Variants in PHF20 observed in about 807,000 individuals in gnomAD.
The protein encoded by PHF20 is glioma-expressed antigen 2.
PHF20 carries 23 observed loss-of-function variants against 113.5 expected under a neutral mutation model. The ratio of observed to expected loss-of-function variants is 0.20; its 90% CI spans 0.15 to 0.29. The LOEUF (loss-of-function observed/expected upper bound fraction) is 0.29. PHF20 is among the 10% of genes least tolerant of loss of function. The probability of loss-of-function intolerance (pLI) is 1.00; values close to 1 mark genes in which losing one functional copy is unlikely to be tolerated. For synonymous variants in PHF20, 434 were observed against 457.3 expected (o/e 0.95, Z 0.65); for missense variants, 943 against 1,219.6 (o/e 0.77, Z 3.38).
intron 10 of PHF20, among the ~76,000 whole-genome samples, chr20:35,911,256 A>G (rs866682084): frequency 1.1e-4 from 17 of 151,538 alleles, no homozygotes; most frequent in South Asian, 2.1e-4. Context: ...GTTAGCCAGG[A>G]TGGTCTCAAT....
rs577328678 is a variant in PHF20, at chr20:35,824,521, C to T, written c.84-18052C>T. Among the ~76,000 whole-genome samples, 10 of 151,804 alleles carry T rather than the reference C, an allele frequency of 6.6e-5. No homozygotes were observed. The South Asian group carries it at 2.1e-3, about 32-fold the overall frequency. Reference sequence around the variant, plus strand: ...ACTCGGGAGGCTGAGGCAGTAGAATCGCTTGAACCCGGGAGGCAGAGGTTT... The same window carrying T: ...ACTCGGGAGGCTGAGGCAGTAGAATTGCTTGAACCCGGGAGGCAGAGGTTT... On this transcript the variant is annotated intron_variant, in intron 2 of 17. Coordinates refer to ENST00000374012, the MANE Select transcript of PHF20 (RefSeq NM_016436.5).
chr20:35,831,577 A>G (rs2042359412), intron 2 of PHF20, among the ~76,000 whole-genome samples: 1 of 152,034 alleles, frequency 6.6e-6, no homozygotes, highest in South Asian at 2.1e-4. Context: ...TGATCCCCCA[A>G]CTCCAACCTC....
chr20:35,892,125 T>C (rs1213782843), intron 9 of PHF20, among the ~76,000 whole-genome samples: 2 of 151,878 alleles, frequency 1.3e-5, no homozygotes, highest in African/African-American at 4.8e-5. Flanking sequence ...TGGCGTGATA[T>C]TGGTTCACTG....
intron 10 of PHF20, among the ~76,000 whole-genome samples, chr20:35,907,605 C>T (rs185524495): frequency 2.6e-5 from 4 of 152,288 alleles, no homozygotes; most frequent in African/African-American, 4.8e-5. Context: ...GTTCCAAGTT[C>T]GTTACTTGTA....
intron 5 of PHF20, among the ~76,000 whole-genome samples, chr20:35,860,160 G>C (rs1179460366): frequency 6.6e-6 from 1 of 151,536 alleles, no homozygotes; most frequent in Admixed American, 6.6e-5. Flanking sequence ...CAAGTGATCC[G>C]CCCACCTTGG....
Position 35,822,071 on chromosome 20 carries a change from G to A in PHF20, c.83+20466G>A, listed in dbSNP as rs537822542. Among the ~76,000 whole-genome samples the A allele has an allele frequency of 2.0e-5, 3 of 152,306 alleles. No homozygotes were observed. In the South Asian group the frequency reaches 6.2e-4, roughly 32 times the overall value. On this transcript the variant is annotated intron_variant, in intron 2 of 17. Transcript: ENST00000374012. ...GTTGAATGGATAGTTGAATAACAGA[G>A]TCAGATGTTCAAGTGTGAGCCCTGG...
At chr20:35,946,480 CAG>C (rs1049226860) in intron 17 of PHF20, among the ~76,000 whole-genome samples, 10 of 151,732 alleles carry the variant, frequency 6.6e-5, no homozygotes, top group African/African-American at 2.4e-5. Flanking sequence ...AAAATAATAA[CAG>C]AGTATTCTGT....
At position 35,796,165 on chromosome 20, in the gene PHF20, T is replaced by A. The variant is rs373525812; in HGVS notation, c.-32-5326T>A. Among the ~76,000 whole-genome samples the A allele has an allele frequency of 7.2e-5, 11 of 152,238 alleles. 1 individual carries two copies. The East Asian group carries it at 7.7e-4, about 11-fold the overall frequency. ...GCACCCAGACTATACATTTTTTTTTTATGCGGGTTTTGTTAGTTTGGATAA... is the reference window on the plus strand; with the variant it reads ...GCACCCAGACTATACATTTTTTTTTAATGCGGGTTTTGTTAGTTTGGATAA... On this transcript the variant is annotated intron_variant, in intron 1 of 17. Transcript: ENST00000374012.
chr20:35,792,417 GA>G (rs1157235021), intron 1 of PHF20, among the ~76,000 whole-genome samples: 41 of 151,788 alleles, frequency 2.7e-4, no homozygotes, highest in Non-Finnish European at 3.1e-4. Flanking sequence ...TCAAACTACT[GA>G]ACTCTGGTGA....
chr20:35,798,461 C>CAT (rs1555917117), intron 1 of PHF20, among the ~76,000 whole-genome samples: 1 of 143,512 alleles, frequency 7.0e-6, no homozygotes, highest in Non-Finnish European at 1.5e-5. Flanking sequence ...CTTTTCTTTT[C>CAT]TTTTTTTTTT....
At chr20:35,792,988 A>T (rs1203677205) in intron 1 of PHF20, among the ~76,000 whole-genome samples, 8 of 152,156 alleles carry the variant, frequency 5.3e-5, no homozygotes, top group Non-Finnish European at 1.2e-4. Context: ...CTGTCTGTGC[A>T]CCCATCCCTA....
At chr20:35,799,289 T>G (rs2041731350) in intron 1 of PHF20, among the ~76,000 whole-genome samples, 1 of 74,222 alleles carries the variant, frequency 1.3e-5, no homozygotes, top group Non-Finnish European at 2.4e-5. Flanking sequence ...ATACTCTCTC[T>G]GCAAAAAAAA....
intron 1 of PHF20, among the ~76,000 whole-genome samples, chr20:35,773,613 T>A (rs2041109810): frequency 6.6e-6 from 1 of 152,196 alleles, no homozygotes; most frequent in African/African-American, 2.4e-5. Flanking sequence ...ATCTCTTCTC[T>A]CTTGGCTTGC....
chr20:35,795,679 T>C (rs1395514589), intron 1 of PHF20, among the ~76,000 whole-genome samples: 1 of 152,066 alleles, frequency 6.6e-6, no homozygotes, highest in Non-Finnish European at 1.5e-5. Context: ...GTAAATAAAC[T>C]TGGGGTAAGA....
intron 9 of PHF20, among the ~76,000 whole-genome samples, chr20:35,895,977 G>A (rs1358717188): frequency 2.0e-5 from 3 of 152,016 alleles, no homozygotes; most frequent in African/African-American, 7.3e-5. Flanking sequence ...GTGAGCCATC[G>A]CGCCTGGCCA....
At chr20:35,791,442 TATCTATC>T (rs1390574403) in intron 1 of PHF20, among the ~76,000 whole-genome samples, 4 of 1,644 alleles carry the variant, frequency 2.4e-3, no homozygotes, top group East Asian at 0.016. Flanking sequence ...ACCAGAATAG[TATCTATC>T]TATCTATCTA....
chr20:35,947,688 A>C lies in PHF20; in HGVS notation c.*61A>C. 6.5e-7 allele frequency: 1 copy of C among 1,532,354 alleles called. No individual in the cohort carries two copies. Among genetic ancestry groups the C allele is most frequent in the South Asian group, 1.1e-5 (1 of 87,578 alleles). 94.9% of individuals were successfully genotyped at this position (1,532,354 alleles called of 1,614,324 possible). ...GGGGCACCTGCAGGAGGAGCTTCGC[A>C]TATTTAAATAAATAAACCTAGCATG... On this transcript the variant is annotated 3_prime_UTR_variant, in exon 18 of 18. Transcript: ENST00000374012.
rs1289017498 is a variant in PHF20 at position 35,863,233 on chromosome 20, C to G, written c.641C>G (p.Pro214Arg). 9.9e-6 allele frequency: 16 copies of G among 1,614,014 alleles called. No individual in the cohort carries two copies. The highest frequency in any genetic ancestry group is 1.4e-5 in the Non-Finnish European group (16 of 1,179,980). Residue 214 changes from proline to arginine, a missense_variant, in exon 6 of 18, where the codon CCC (proline) becomes CGC (arginine). By Grantham distance (103) the Pro-to-Arg change is moderately radical. Transcript: ENST00000374012. ...EKGKVSEKSL[P>R]KNEKEDKENI... ...GGGAAAGTGTCAGAGAAAAGTCTTC[C>G]CAAGAACGAGAAGGAAGACAAGGAA...
chr20:35,809,184 G>A (rs1337590204), intron 2 of PHF20, among the ~76,000 whole-genome samples: 2 of 151,982 alleles, frequency 1.3e-5, no homozygotes, highest in Non-Finnish European at 2.9e-5. Context: ...GGTGGAGGTT[G>A]CAGTGAGCCA....
Sources: allele counts gnomAD v4.1 joint callset (sites outside exome capture counted in the v4.1 genomes callset), GRCh38; gene constraint gnomAD v4.1.1; transcripts MANE v1.5; gene names NCBI Gene and HGNC (gene_info 2026-07-23, HGNC 2026-07-21).